PPHLN1: variants seen among roughly 807,000 people sequenced by gnomAD.
The protein encoded by PPHLN1 is periphilin 1.
In PPHLN1, 29 loss-of-function variants were observed where a neutral mutation model predicts 51.3. The ratio of observed to expected loss-of-function variants is 0.57; its 90% CI spans 0.42 to 0.77. The LOEUF (loss-of-function observed/expected upper bound fraction) is 0.77, where lower values mean the gene tolerates loss of function less well. Ranked by LOEUF, PPHLN1 falls within the 30% of genes least tolerant of loss-of-function variation. The pLI is 0.00. For missense variants in PPHLN1, 436 were observed against 438.4 expected (o/e 0.99, Z 0.05); for synonymous variants, 147 against 147.8 (o/e 0.99, Z 0.04).
intron 9 of PPHLN1, among the ~76,000 whole-genome samples, chr12:42,414,054 G>A (rs956825331): frequency 3.3e-5 from 5 of 151,230 alleles, no homozygotes; most frequent in Admixed American, 3.3e-4. Flanking sequence ...TTTATTTTTT[G>A]AGACAGTGTT....
At chr12:42,350,920 A>G (rs898549682) in intron 2 of PPHLN1, among the ~76,000 whole-genome samples, 2 of 151,942 alleles carry the variant, frequency 1.3e-5, no homozygotes, top group South Asian at 4.2e-4. Context: ...GCGGCAGTAC[A>G]GTCCAGCCTC....
At chr12:42,376,735 C>A (rs931503493) in intron 5 of PPHLN1, among the ~76,000 whole-genome samples, 4 of 152,086 alleles carry the variant, frequency 2.6e-5, no homozygotes, top group Admixed American at 2.6e-4. Context: ...CTGCAGTAAA[C>A]TGTGATCACG....
intron 9 of PPHLN1, among the ~76,000 whole-genome samples, chr12:42,428,847 G>T (rs2081763393): frequency 6.8e-6 from 1 of 147,140 alleles, no homozygotes; most frequent in African/African-American, 2.5e-5. Context: ...TAACTTAAGG[G>T]ACTTTCTAAG....
At chr12:42,380,804 TAA>T (rs1719502471) in intron 5 of PPHLN1, among the ~76,000 whole-genome samples, 2 of 152,282 alleles carry the variant, frequency 1.3e-5, no homozygotes, top group Admixed American at 1.3e-4. Context: ...GAAGAGAGGA[TAA>T]AGTCATTCTC....
intron 9 of PPHLN1, among the ~76,000 whole-genome samples, chr12:42,413,552 G>A (rs917815655): frequency 3.3e-4 from 50 of 150,488 alleles, no homozygotes; most frequent in African/African-American, 1.2e-3. Flanking sequence ...GTGTGTGTGT[G>A]TGTGTGTGTG....
chr12:42,408,557 A>G (rs1336924746), intron 9 of PPHLN1, among the ~76,000 whole-genome samples: 1 of 152,160 alleles, frequency 6.6e-6, no homozygotes, highest in Admixed American at 6.5e-5. Flanking sequence ...TAGCATAGGA[A>G]CTTTGGTGTT....
chr12:42,362,718 T>C (rs1277993923), intron 4 of PPHLN1, among the ~76,000 whole-genome samples: 2 of 152,258 alleles, frequency 1.3e-5, no homozygotes, highest in African/African-American at 2.4e-5. Flanking sequence ...CATTACCTTT[T>C]CTTTTATTGC....
intron 2 of PPHLN1, among the ~76,000 whole-genome samples, chr12:42,345,031 G>C (rs1177165024): frequency 6.6e-6 from 1 of 151,968 alleles, no homozygotes. Flanking sequence ...ATTTGATACA[G>C]ATTTTTATAT....
chr12:42,337,919 G>A (rs2070924717), intron 2 of PPHLN1, among the ~76,000 whole-genome samples: 1 of 151,882 alleles, frequency 6.6e-6, no homozygotes, highest in Non-Finnish European at 1.5e-5. Context: ...GAGTAGCTGG[G>A]ACTACAGGCA....
chr12:42,360,272 G>A (rs1312708041), intron 4 of PPHLN1, among the ~76,000 whole-genome samples: 5 of 151,172 alleles, frequency 3.3e-5, no homozygotes, highest in Non-Finnish European at 7.4e-5. Context: ...CTTCAATCTG[G>A]AACAGCTCCT....
intron 3 of PPHLN1, among the ~76,000 whole-genome samples, chr12:42,354,025 A>C (rs1414148403): frequency 6.6e-6 from 1 of 152,156 alleles, no homozygotes; most frequent in African/African-American, 2.4e-5. Context: ...AATGCAGATT[A>C]CTTGATTTAA....
intron 9 of PPHLN1, among the ~76,000 whole-genome samples, chr12:42,405,812 G>A (rs1228114486): frequency 2.6e-5 from 4 of 152,066 alleles, no homozygotes; most frequent in Admixed American, 2.0e-4. Flanking sequence ...GTTGGCTGAA[G>A]TTAGCCATGC....
chr12:42,344,708 A>AATTTT (rs1555182164), intron 2 of PPHLN1, among the ~76,000 whole-genome samples: 8 of 134,076 alleles, frequency 6.0e-5, no homozygotes, highest in African/African-American at 2.2e-4. Context: ...AACAGTGTGG[A>AATTTT]TTTTTTTTTT....
At chr12:42,442,759 G>A (rs375176525), downstream of PPHLN1, 8 of 1,612,144 alleles carry the variant, frequency 5.0e-6, no homozygotes, top group East Asian at 2.2e-5. Context: ...ATTGGTGCCC[G>A]CTCGGGATTT....
chr12:42,398,988 T>G lies in PPHLN1; in HGVS notation c.903T>G (p.Ile301Met). 2 of 1,613,726 alleles carry G rather than the reference T, an allele frequency of 1.2e-6. No homozygotes were observed. Among genetic ancestry groups the G allele is most frequent in the African/African-American group, 1.3e-5 (1 of 75,050 alleles). The change falls in exon 9 of 10, where the codon ATT becomes ATG. Residue 301 changes from isoleucine (I) to methionine (M), a missense_variant. By Grantham distance (10) the Ile-to-Met change is conservative. Coordinates refer to ENST00000358314, the MANE Select transcript of PPHLN1 (RefSeq NM_201439.2). ...SKAIASKTKE[I>M]EQVYRQDCET... is the part of the protein sequence containing the mutation. ...CAATAGCATCAAAAACCAAAGAGATTGAACAGGTGAGAGTCTAGTTGTCTT... is the reference window on the plus strand; with the variant it reads ...CAATAGCATCAAAAACCAAAGAGATGGAACAGGTGAGAGTCTAGTTGTCTT...
chr12:42,410,990 T>A (rs2079758228), intron 9 of PPHLN1, among the ~76,000 whole-genome samples: 1 of 152,136 alleles, frequency 6.6e-6, no homozygotes, highest in Non-Finnish European at 1.5e-5. Flanking sequence ...TTAAGGTGAT[T>A]TATGTTAAAT....
intron 8 of PPHLN1, among the ~76,000 whole-genome samples, chr12:42,397,469 T>A (rs142291701): frequency 6.6e-6 from 1 of 152,200 alleles, no homozygotes; most frequent in Non-Finnish European, 1.5e-5. Flanking sequence ...TTTTTCCCCT[T>A]TTTCACTTGC....
downstream of PPHLN1, chr12:42,447,815 T>C (rs928337235): frequency 3.3e-5 from 5 of 152,206 alleles, no homozygotes; most frequent in African/African-American, 4.8e-5. Flanking sequence ...CCTCAAAATA[T>C]GTATTGTGCC....
chr12:42,418,106 A>AT (rs1344238001), intron 9 of PPHLN1, among the ~76,000 whole-genome samples: 1 of 149,782 alleles, frequency 6.7e-6, no homozygotes, highest in Non-Finnish European at 1.5e-5. Flanking sequence ...AGCCCAGCTA[A>AT]TTTTTTGTAT....
Sources: gnomAD v4.1 joint callset for allele counts (sites outside exome capture counted in the v4.1 genomes callset) on GRCh38, gnomAD v4.1.1 for gene constraint, MANE v1.5 for transcripts, NCBI Gene and HGNC (gene_info 2026-07-23, HGNC 2026-07-21) for gene names.